The following CPEB3 variants were observed in gnomAD, a reference collection of about 807,000 sequenced individuals.
The protein encoded by CPEB3 is cytoplasmic polyadenylation element-binding protein 3.
CPEB3 carries 20 observed loss-of-function variants against 67.2 expected under a neutral mutation model. The observed-to-expected ratio is 0.30, with a 90% CI of 0.21 to 0.43. The LOEUF is 0.43. Ranked by LOEUF, CPEB3 falls within the 20% of genes least tolerant of loss-of-function variation. CPEB3 has a pLI of 1.00. For missense variants in CPEB3, 746 were observed against 968.6 expected (o/e 0.77, Z 3.05); for synonymous variants, 376 against 393.1 (o/e 0.96, Z 0.51).
At chr10:92,060,533 T>TA (rs538500676) in intron 9 of CPEB3, among the ~76,000 whole-genome samples, 2 of 151,888 alleles carry the variant, frequency 1.3e-5, no homozygotes, top group Non-Finnish European at 2.9e-5. Flanking sequence ...CACATCAAGT[T>TA]AAAAAACTTC....
intron 7 of CPEB3, among the ~76,000 whole-genome samples, chr10:92,097,264 A>AGT (rs1843925217): frequency 6.6e-6 from 1 of 152,258 alleles, no homozygotes; most frequent in Non-Finnish European, 1.5e-5. Context: ...AAATGTTAAA[A>AGT]GTCACTATAC....
intron 6 of CPEB3, among the ~76,000 whole-genome samples, chr10:92,121,355 A>C (rs915246621): frequency 4.1e-5 from 6 of 146,792 alleles, no homozygotes; most frequent in African/African-American, 1.5e-4. Context: ...ACACATATAT[A>C]TATATAAAAT....
chr10:92,269,332 G>T (rs550583825), intron 1 of CPEB3, among the ~76,000 whole-genome samples: 1 of 151,946 alleles, frequency 6.6e-6, no homozygotes, highest in Admixed American at 6.6e-5. Flanking sequence ...ACTATAGGAA[G>T]TTTTAGTATA....
At chr10:92,089,025 T>C (rs965400440) in intron 8 of CPEB3, among the ~76,000 whole-genome samples, 2 of 152,224 alleles carry the variant, frequency 1.3e-5, no homozygotes, top group Non-Finnish European at 2.9e-5. Flanking sequence ...TTTAACATGA[T>C]AGTGGGATAT....
intron 6 of CPEB3, among the ~76,000 whole-genome samples, chr10:92,112,317 G>C (rs1333182078): frequency 6.6e-6 from 1 of 151,764 alleles, no homozygotes; most frequent in Non-Finnish European, 1.5e-5. Context: ...TCTAATTTTT[G>C]TATTTTTAGT....
intron 9 of CPEB3, among the ~76,000 whole-genome samples, chr10:92,075,524 G>A (rs980116008): frequency 6.6e-6 from 1 of 152,134 alleles, no homozygotes; most frequent in Non-Finnish European, 1.5e-5. Context: ...CACTTTAACT[G>A]GGTGAATTGT....
intron 6 of CPEB3, among the ~76,000 whole-genome samples, chr10:92,141,827 G>C (rs549285492): frequency 4.0e-5 from 6 of 151,164 alleles, no homozygotes; most frequent in African/African-American, 1.5e-4. Context: ...GACCATCCTG[G>C]CTAACACGGT....
At chr10:92,074,573 G>A (rs186001639) in intron 9 of CPEB3, among the ~76,000 whole-genome samples, 2 of 152,310 alleles carry the variant, frequency 1.3e-5, no homozygotes, top group East Asian at 3.9e-4. Context: ...GGAAAAGTGG[G>A]TATTAGCCAG....
intron 2 of CPEB3, among the ~76,000 whole-genome samples, chr10:92,215,497 A>G (rs910547149): frequency 6.8e-6 from 1 of 147,284 alleles, no homozygotes; most frequent in African/African-American, 2.5e-5. Context: ...GCTGCAGTGC[A>G]GTGGTGTGAT....
intron 6 of CPEB3, among the ~76,000 whole-genome samples, chr10:92,117,712 C>G (rs1845113834): frequency 6.6e-6 from 1 of 151,022 alleles, no homozygotes; most frequent in African/African-American, 2.5e-5. Flanking sequence ...AAAAACAAAG[C>G]TTCCTGATCT....
At chr10:92,288,591 C>A (rs1288098559) in intron 1 of CPEB3, among the ~76,000 whole-genome samples, 6 of 152,070 alleles carry the variant, frequency 3.9e-5, no homozygotes, top group Admixed American at 6.6e-5. Context: ...CTCTTTAGAC[C>A]AGTAACAGGA....
chr10:92,144,819 A>C, intron 5 of CPEB3, 126 bp downstream of exon 5: 1 of 763,852 alleles, frequency 1.3e-6, no homozygotes, highest in East Asian at 2.5e-5. Flanking sequence ...CTAATCCACC[A>C]AATAGTCTCA....
At chr10:92,188,315 C>A (rs1848790513) in intron 3 of CPEB3, among the ~76,000 whole-genome samples, 1 of 14,944 alleles carries the variant, frequency 6.7e-5, no homozygotes, top group Non-Finnish European at 1.2e-4. Context: ...ATATGTAAGA[C>A]ATAGTAAAAA....
At chr10:92,217,276 T>C (rs1850475128) in intron 2 of CPEB3, among the ~76,000 whole-genome samples, 1 of 137,600 alleles carries the variant, frequency 7.3e-6, no homozygotes, top group Non-Finnish European at 1.5e-5. Context: ...CACACACATA[T>C]ATATATGCAC....
At chr10:92,141,447 C>A in intron 6 of CPEB3, among the ~76,000 whole-genome samples, 1 of 135,234 alleles carries the variant, frequency 7.4e-6, no homozygotes, top group Admixed American at 8.7e-5. Context: ...CACATGGACA[C>A]AGGAAGGGGA....
At chr10:92,104,251 A>G (rs561116476) in intron 7 of CPEB3, among the ~76,000 whole-genome samples, 1 of 152,306 alleles carries the variant, frequency 6.6e-6, no homozygotes, top group East Asian at 1.9e-4. Context: ...AGATCCTCTC[A>G]AGAGATTAGT....
rs377329047 is a variant in CPEB3 at position 92,206,037 on chromosome 10, A to G, written c.1006-13401T>C. On this transcript the variant is annotated intron_variant, in intron 2 of 9. Transcript: ENST00000265997. ...AGTACCATTCTAATAATGATACTTTAGGGTACTTTAAATGTCATAAAGTCA... is the reference window on the plus strand; with the variant it reads ...AGTACCATTCTAATAATGATACTTTGGGGTACTTTAAATGTCATAAAGTCA... Among the ~76,000 whole-genome samples, 50 of 151,846 alleles carry G rather than the reference A, an allele frequency of 3.3e-4. 1 individual carries two copies. The highest frequency in any genetic ancestry group is 1.2e-3 in the African/African-American group (49 of 41,322).
intron 1 of CPEB3, among the ~76,000 whole-genome samples, chr10:92,254,048 G>A (rs1245946191): frequency 6.6e-6 from 1 of 152,050 alleles, no homozygotes; most frequent in Admixed American, 6.6e-5. Flanking sequence ...AGGCAATATA[G>A]TGAGACCTTA....
chr10:92,174,609 G>A (rs1848144882), intron 4 of CPEB3, among the ~76,000 whole-genome samples: 1 of 152,088 alleles, frequency 6.6e-6, no homozygotes, highest in South Asian at 2.1e-4. Context: ...GATATCAAAA[G>A]TTTAAGTCTT....
Sources: gnomAD v4.1 joint callset for allele counts (sites outside exome capture counted in the v4.1 genomes callset) on GRCh38, gnomAD v4.1.1 for gene constraint, MANE v1.5 for transcripts, NCBI Gene and HGNC (gene_info 2026-07-23, HGNC 2026-07-21) for gene names.